LXN: variants seen among roughly 807,000 people sequenced by gnomAD.
LXN encodes the protein latexin, also known as MUM.
A neutral mutation model predicts 29.8 loss-of-function variants in LXN; 28 were observed. The ratio of observed to expected loss-of-function variants is 0.94; its 90% CI spans 0.70 to 1.29. The LOEUF (loss-of-function observed/expected upper bound fraction) is 1.29, where lower values mean the gene tolerates loss of function less well. Among genes scored for constraint, LXN ranks in the 50% most tolerant of loss-of-function variants. The probability of loss-of-function intolerance (pLI) is 0.00; values close to 1 mark genes in which losing one functional copy is unlikely to be tolerated. For missense variants in LXN, 227 were observed against 261.7 expected (o/e 0.87, Z 0.92); for synonymous variants, 77 against 89.6 (o/e 0.86, Z 0.80).
intron 4 of LXN, among the ~76,000 whole-genome samples, chr3:158,668,678 A>G (rs1723962365): frequency 6.6e-6 from 1 of 152,228 alleles, no homozygotes. Flanking sequence ...TGCTTTTGTT[A>G]TGCTTCCTAG....
chr3:158,668,389 C>T (rs1232176482), intron 4 of LXN, among the ~76,000 whole-genome samples: 1 of 151,730 alleles, frequency 6.6e-6, no homozygotes, highest in Non-Finnish European at 1.5e-5. Flanking sequence ...TTTTTTTCCC[C>T]CAAATATTTT....
chr3:158,672,329 A>T, intron 1 of LXN, 21 bp downstream of exon 1: 4 of 1,612,730 alleles, frequency 2.5e-6, no homozygotes, highest in Non-Finnish European at 3.4e-6. Flanking sequence ...TCTGCTGTCC[A>T]CCACCCCCTG....
intron 5 of LXN, 114 bp from the exon 6 acceptor site, chr3:158,666,858 G>C: frequency 7.0e-7 from 1 of 1,423,750 alleles, no homozygotes; most frequent in South Asian, 1.3e-5. Flanking sequence ...TAGTACTTTT[G>C]TTAAATTGCT....
rs999702503 is a variant in LXN, at chr3:158,669,076, C to A, written c.427G>T (p.Ala143Ser). 3 of 1,613,658 alleles carry A rather than the reference C, an allele frequency of 1.9e-6. No individual in the cohort carries two copies. The highest frequency in any genetic ancestry group is 2.5e-6 in the Non-Finnish European group (3 of 1,179,814). Reference protein sequence around the residue: ...MTLVLHLAWVACGYIIWQNST... With the variant: ...MTLVLHLAWVSCGYIIWQNST... ...TTTTGCCATATTATATAACCACAGGCAACCCAGGCTAAATGTAGAACGAGC... is the reference window on the plus strand; with the variant it reads ...TTTTGCCATATTATATAACCACAGGAAACCCAGGCTAAATGTAGAACGAGC... Residue 143 changes from alanine to serine, a missense_variant, in exon 4 of 6, where the codon GCC (alanine) becomes TCC (serine). Coordinates refer to ENST00000264265, the MANE Select transcript of LXN (RefSeq NM_020169.4).
intron 2 of LXN, among the ~76,000 whole-genome samples, chr3:158,669,813 T>TA (rs1399203909): frequency 6.6e-6 from 1 of 152,202 alleles, no homozygotes; most frequent in African/African-American, 2.4e-5. Context: ...ATAGATAACT[T>TA]ACTTTATAAA....
At position 158,666,996 on chromosome 3, in the gene LXN, G is replaced by A. The variant is rs1258944342; in HGVS notation, c.570+16C>T. 1.3e-6 allele frequency: 2 copies of A among 1,590,834 alleles called. No homozygotes were observed. The highest frequency in any genetic ancestry group is 1.7e-6 in the Non-Finnish European group (2 of 1,170,744). ...GTTTTCAGAATGGCATCAAATAAAGGTAAATTATACTTTACCTGAGATGCT... is the reference window on the plus strand; with the variant it reads ...GTTTTCAGAATGGCATCAAATAAAGATAAATTATACTTTACCTGAGATGCT... On this transcript the variant is annotated intron_variant, in intron 5 of 5. Coordinates refer to ENST00000264265, the MANE Select transcript of LXN (RefSeq NM_020169.4).
chr3:158,667,108 C>G (rs1183321717), intron 4 of LXN, 34 bp from the exon 5 acceptor site: 3 of 1,531,634 alleles, frequency 2.0e-6, no homozygotes, highest in Non-Finnish European at 2.6e-6. Flanking sequence ...TTGTTTAAAA[C>G]TTAATATCTT....
At chr3:158,668,626 G>A (rs1455061310) in intron 4 of LXN, among the ~76,000 whole-genome samples, 1 of 152,228 alleles carries the variant, frequency 6.6e-6, no homozygotes, top group Non-Finnish European at 1.5e-5. Context: ...TAGATACTGT[G>A]TATTAACAGG....
chr3:158,671,001 G>A lies in LXN; in HGVS notation c.148C>T (p.His50Tyr). 1.3e-6 allele frequency: 2 copies of A among 1,536,072 alleles called. No individual in the cohort carries two copies. Among genetic ancestry groups the A allele is most frequent in the Non-Finnish European group, 1.7e-6 (2 of 1,145,704 alleles). Residue 50 changes from histidine to tyrosine, a missense_variant, in exon 2 of 6, where the codon CAT becomes TAT. Coordinates refer to ENST00000264265, the MANE Select transcript of LXN (RefSeq NM_020169.4). ...ASMEDIPGRG[H>Y]KYHLKFAVEE... ...ACAGCAAATTTAAGGTGATACTTAT[G>A]TCCTCTTCCTGGAATATCCTAAAAT... is the stretch of plus-strand genomic sequence containing the variant.
chr3:158,668,185 G>A (rs1435109999), intron 4 of LXN, among the ~76,000 whole-genome samples: 1 of 152,152 alleles, frequency 6.6e-6, no homozygotes, highest in Non-Finnish European at 1.5e-5. Flanking sequence ...ATGCACGGAT[G>A]CCCAAGTCTC....
At position 158,669,982 on chromosome 3, in the gene LXN, C is replaced by T. The variant is rs183492859; in HGVS notation, c.193-372G>A. On this transcript the variant is annotated intron_variant, in intron 2 of 5. Coordinates refer to ENST00000264265, the MANE Select transcript of LXN (RefSeq NM_020169.4). ...GTTTTTCCATTACTCTTACTCTTTG[C>T]TCCTGAAATAACAAAGTTTTTGAAA... Among the ~76,000 whole-genome samples, 43 of 152,264 alleles carry T rather than the reference C, an allele frequency of 2.8e-4. 1 individual carries two copies. The highest frequency in any genetic ancestry group is 2.1e-3 in the Admixed American group (32 of 15,296).
chr3:158,666,523 C>G lies in LXN; in HGVS notation c.*123G>C, dbSNP rs1723698087. The G allele has an allele frequency of 8.6e-7, 1 of 1,157,410 alleles. No homozygotes were observed. The highest frequency in any genetic ancestry group is 1.9e-5 in the Admixed American group (1 of 53,796). 71.7% of individuals were successfully genotyped at this position (1,157,410 alleles called of 1,614,324 possible). On this transcript the variant is annotated 3_prime_UTR_variant, in exon 6 of 6. Coordinates refer to ENST00000264265, the MANE Select transcript of LXN (RefSeq NM_020169.4). ...ATTATGGACTCTATAAAGTTCTATA[C>G]TGTAATCAAGACATTTATATAAAGT...
Position 158,671,127 on chromosome 3 carries a change from A to G in LXN, c.130-108T>C, listed in dbSNP as rs937263724. ...GGTTGGAGGGGCTGGCTGAAGGGGAATGGTGAAAGCCTTAGGTCTTGAAAA... is the reference window on the plus strand; with the variant it reads ...GGTTGGAGGGGCTGGCTGAAGGGGAGTGGTGAAAGCCTTAGGTCTTGAAAA... On this transcript the variant is annotated intron_variant, in intron 1 of 5. Transcript: ENST00000264265. The G allele has an allele frequency of 1.7e-5, 22 of 1,294,614 alleles. No individual in the cohort carries two copies. In the Admixed American group the frequency reaches 7.5e-4, roughly 44 times the overall value. 80.2% of individuals were successfully genotyped at this position (1,294,614 alleles called of 1,614,324 possible).
rs189996743 is a variant in LXN, at chr3:158,669,427, A to G, written c.370+6T>C. Reference sequence around the variant, plus strand: ...AACAAATGGTTTTCATGCCATATTTATATACCTGGAATATTTTGTGCTTCT... The same window carrying G: ...AACAAATGGTTTTCATGCCATATTTGTATACCTGGAATATTTTGTGCTTCT... On this transcript the variant is annotated splice_donor_region_variant and intron_variant, in intron 3 of 5. Coordinates refer to ENST00000264265, the MANE Select transcript of LXN (RefSeq NM_020169.4). 1.7e-4 allele frequency: 274 copies of G among 1,603,568 alleles called. 2 individuals are homozygous for G. In the Middle Eastern group the frequency reaches 4.8e-3, roughly 28 times the overall value.
chr3:158,670,962 G>T lies in LXN; in HGVS notation c.187C>A (p.Gln63Lys), dbSNP rs141329747. Residue 63 changes from glutamine to lysine, a missense_variant, in exon 2 of 6, where the codon CAA becomes AAA. Coordinates refer to ENST00000264265, the MANE Select transcript of LXN (RefSeq NM_020169.4). Reference sequence around the variant, plus strand: ...AAAAAAGAAATTTAACTTACTTTTTGTATAATTTCTTCAACAGCAAATTTA... The same window carrying T: ...AAAAAAGAAATTTAACTTACTTTTTTTATAATTTCTTCAACAGCAAATTTA... Reference protein sequence around the residue: ...HLKFAVEEIIQKQVKVNCTAE... With the variant: ...HLKFAVEEIIKKQVKVNCTAE... 1.3e-3 allele frequency: 1,923 copies of T among 1,536,964 alleles called. 4 individuals are homozygous for T. Among genetic ancestry groups the T allele is most frequent in the Non-Finnish European group, 1.6e-3 (1,822 of 1,144,374 alleles).
At chr3:158,671,603 C>A (rs1181708546) in intron 1 of LXN, among the ~76,000 whole-genome samples, 1 of 152,290 alleles carries the variant, frequency 6.6e-6, no homozygotes, top group East Asian at 1.9e-4. Flanking sequence ...ATTCTGTTAT[C>A]TGGTACAGTT....
intron 2 of LXN, among the ~76,000 whole-genome samples, chr3:158,670,072 T>C (rs1187264997): frequency 2.0e-5 from 3 of 152,234 alleles, no homozygotes; most frequent in African/African-American, 7.2e-5. Context: ...TTATGCTTTG[T>C]AAAGATGGCT....
intron 2 of LXN, 98 bp from the exon 3 acceptor site, chr3:158,669,708 G>C: frequency 8.4e-7 from 1 of 1,184,020 alleles, no homozygotes; most frequent in Non-Finnish European, 1.2e-6. Context: ...TCCTAATGGT[G>C]TTGTTTTAGA....
At chr3:158,667,179 T>C in intron 4 of LXN, 105 bp from the exon 5 acceptor site, 2 of 1,216,326 alleles carry the variant, frequency 1.6e-6, no homozygotes, top group South Asian at 3.5e-5. Context: ...AATATTTCCA[T>C]TTAGGTAAAA....
Sources: allele counts gnomAD v4.1 joint callset (sites outside exome capture counted in the v4.1 genomes callset), GRCh38; gene constraint gnomAD v4.1.1; transcripts MANE v1.5; gene names NCBI Gene and HGNC (gene_info 2026-07-23, HGNC 2026-07-21).